The following PCDHGB2 variants were observed in gnomAD, a reference collection of about 807,000 sequenced individuals.
PCDHGB2 encodes the protein protocadherin gamma-B2.
A neutral mutation model predicts 59.3 loss-of-function variants in PCDHGB2; 55 were observed. The ratio of observed to expected loss-of-function variants is 0.93; its 90% CI spans 0.75 to 1.16. The LOEUF (loss-of-function observed/expected upper bound fraction) is 1.16, where lower values mean the gene tolerates loss of function less well. Ranked by LOEUF, PCDHGB2 falls within the 50% of genes most tolerant of loss-of-function variation. The pLI is 0.00. For synonymous variants in PCDHGB2, 516 were observed against 512.0 expected (o/e 1.01, Z -0.11); for missense variants, 1,228 against 1,198.5 (o/e 1.02, Z -0.36).
intron 1 of PCDHGB2, chr5:141,393,474 C>G (rs773609499): frequency 3.1e-6 from 5 of 1,614,044 alleles, no homozygotes; most frequent in Non-Finnish European, 4.2e-6. Flanking sequence ...CGGCAAGCCG[C>G]CTCGCTCTAG....
At chr5:141,466,993 T>G (rs2099133598) in intron 1 of PCDHGB2, among the ~76,000 whole-genome samples, 1 of 152,148 alleles carries the variant, frequency 6.6e-6, no homozygotes, top group African/African-American at 2.4e-5. Context: ...CCTTTTGGCA[T>G]TTTTTTGCAA....
At chr5:141,509,334 G>A (rs1184232270) in intron 3 of PCDHGB2, among the ~76,000 whole-genome samples, 1 of 152,186 alleles carries the variant, frequency 6.6e-6, no homozygotes, top group Non-Finnish European at 1.5e-5. Flanking sequence ...ACTGCCAGCT[G>A]GGCCTGGGCT....
In PCDHGB2 at chr5:141,432,866, G is replaced by A; in HGVS notation, c.2422-61941G>A. The A allele has an allele frequency of 6.2e-7, 1 of 1,614,152 alleles. No individual in the cohort carries two copies. The highest frequency in any genetic ancestry group is 8.5e-7 in the Non-Finnish European group (1 of 1,180,008). On this transcript the variant is annotated intron_variant, in intron 1 of 3. Transcript: ENST00000522605. This position sits in a 1 kb window ranked among gnomAD's most constrained non-coding sequence, Gnocchi z 6.0. ...GGTAGCGGTGGCCGCGGTCTCCTGC[G>A]TCTTCCTGGCCTTCGTCATCTTGCT...
Position 141,490,491 on chromosome 5 carries a change from A to T in PCDHGB2, c.2422-4316A>T. 1 of 1,614,098 alleles carries T rather than the reference A, an allele frequency of 6.2e-7. No individual in the cohort carries two copies. Among genetic ancestry groups the T allele is most frequent in the Non-Finnish European group, 8.5e-7 (1 of 1,180,022 alleles). ...GCCAGCCTTTGGACCGGGAGGCCAC[A>T]TCCCACTATATCATCGAGCTGCTGG... On this transcript the variant is annotated intron_variant, in intron 1 of 3. Coordinates refer to ENST00000522605, the MANE Select transcript of PCDHGB2 (RefSeq NM_018923.3). This position sits in a 1 kb window ranked among gnomAD's most constrained non-coding sequence, Gnocchi z 5.4.
intron 1 of PCDHGB2, chr5:141,419,616 A>G (rs1291494618): frequency 6.2e-7 from 1 of 1,612,086 alleles, no homozygotes; most frequent in African/African-American, 1.3e-5. Flanking sequence ...CAGCCAGGCT[A>G]CCTGGTGACC....
chr5:141,384,154 A>G, intron 1 of PCDHGB2: 3 of 1,613,512 alleles, frequency 1.9e-6, no homozygotes, highest in Non-Finnish European at 2.5e-6. Flanking sequence ...CTCTTTGTAT[A>G]ACATCACACT....
chr5:141,473,479 G>GA (rs150184379), intron 1 of PCDHGB2, among the ~76,000 whole-genome samples: 6,877 of 152,218 alleles, frequency 0.045, 184 homozygotes, highest in Middle Eastern at 0.088. Flanking sequence ...AAGTTCAATG[G>GA]AAAAAATATA....
At chr5:141,394,378 A>G (rs373024642) in intron 1 of PCDHGB2, 91 of 1,614,090 alleles carry the variant, frequency 5.6e-5, no homozygotes, top group Non-Finnish European at 6.9e-5. Flanking sequence ...TCTTTCGACT[A>G]TGAGCAGATC....
chr5:141,374,474 C>G (rs762306215), intron 1 of PCDHGB2: 1 of 1,612,258 alleles, frequency 6.2e-7, no homozygotes, highest in Middle Eastern at 1.7e-4. Context: ...TGACAATACA[C>G]CCCGATTCTT....
In PCDHGB2 at chr5:141,487,761, C is replaced by T. The variant is rs1331182183; in HGVS notation, c.2422-7046C>T. Reference sequence around the variant, plus strand: ...GTAAGAGGTAACTATGTGGTAGACGCTGTGCTTTGTAACTGTTTCGTGAAT... The same window carrying T: ...GTAAGAGGTAACTATGTGGTAGACGTTGTGCTTTGTAACTGTTTCGTGAAT... On this transcript the variant is annotated intron_variant, in intron 1 of 3. Coordinates refer to ENST00000522605, the MANE Select transcript of PCDHGB2 (RefSeq NM_018923.3). The surrounding 1 kb of genome is among the most constrained non-coding windows in gnomAD (Gnocchi z 5.0). 3.2e-6 allele frequency: 5 copies of T among 1,545,926 alleles called. No individual in the cohort carries two copies. Among genetic ancestry groups the T allele is most frequent in the South Asian group, 1.2e-5 (1 of 83,534 alleles).
chr5:141,435,855 G>A (rs1164301394), intron 1 of PCDHGB2, among the ~76,000 whole-genome samples: 1 of 152,006 alleles, frequency 6.6e-6, no homozygotes, highest in Non-Finnish European at 1.5e-5. Flanking sequence ...AGATACAATA[G>A]TTAAAACCCA....
intron 1 of PCDHGB2, chr5:141,412,667 AC>A (rs1385712050): frequency 6.6e-6 from 1 of 152,284 alleles, no homozygotes; most frequent in Non-Finnish European, 1.5e-5. Flanking sequence ...CACTAATATG[AC>A]CTAAAATAAG....
intron 1 of PCDHGB2, chr5:141,393,590 G>A: frequency 1.2e-6 from 2 of 1,613,896 alleles, no homozygotes; most frequent in South Asian, 2.2e-5. Flanking sequence ...CCCCAGGCAC[G>A]CGGCTGCTTA....
intron 1 of PCDHGB2, chr5:141,371,619 G>A (rs780564010): frequency 1.5e-5 from 25 of 1,613,894 alleles, no homozygotes; most frequent in Non-Finnish European, 2.1e-5. Flanking sequence ...GACAGATGGA[G>A]CCCTGGACCG....
intron 1 of PCDHGB2, among the ~76,000 whole-genome samples, chr5:141,484,627 A>G (rs866882607): frequency 5.3e-5 from 8 of 152,162 alleles, no homozygotes; most frequent in Middle Eastern, 3.4e-3. Flanking sequence ...TGGCTTGAAC[A>G]AAGTGACCAC....
chr5:141,403,318 A>G, intron 1 of PCDHGB2: 1 of 1,613,982 alleles, frequency 6.2e-7, no homozygotes, highest in Non-Finnish European at 8.5e-7. Flanking sequence ...TAGAAATAGA[A>G]GTAACTGATA....
At chr5:141,363,563 A>G (rs1428859316) in intron 1 of PCDHGB2, among the ~76,000 whole-genome samples, 1 of 152,258 alleles carries the variant, frequency 6.6e-6, no homozygotes, top group Non-Finnish European at 1.5e-5. Context: ...ATGGTAATAG[A>G]AAAACATAAA....
At chr5:141,383,201 G>C in intron 1 of PCDHGB2, 3 of 1,614,000 alleles carry the variant, frequency 1.9e-6, no homozygotes, top group Non-Finnish European at 2.5e-6. Flanking sequence ...CAGAGTGCGC[G>C]GTGTCTGGTA....
At chr5:141,504,147 T>C (rs2099836026) in intron 2 of PCDHGB2, among the ~76,000 whole-genome samples, 1 of 152,198 alleles carries the variant, frequency 6.6e-6, no homozygotes, top group South Asian at 2.1e-4. Flanking sequence ...CCCCTGCAAA[T>C]TGAAATAATT....
Sources: allele counts gnomAD v4.1 joint callset (sites outside exome capture counted in the v4.1 genomes callset), GRCh38; gene constraint gnomAD v4.1.1; non-coding constraint Gnocchi (gnomAD v3.1); transcripts MANE v1.5; gene names NCBI Gene and HGNC (gene_info 2026-07-23, HGNC 2026-07-21).